The following ECT2 variants were observed in gnomAD, a reference collection of about 807,000 sequenced individuals.
ECT2 encodes epithelial cell transforming 2, also known as protein ECT2.
A neutral mutation model predicts 116.9 loss-of-function variants in ECT2; 61 were observed. That is an observed-to-expected ratio of 0.52 (90% CI 0.42 to 0.65). The LOEUF is 0.65. ECT2 is among the 30% of genes least tolerant of loss of function. The probability of loss-of-function intolerance (pLI) is 0.00; values close to 1 mark genes in which losing one functional copy is unlikely to be tolerated. For missense variants in ECT2, 937 were observed against 1,078.7 expected, an observed-to-expected ratio of 0.87 and a Z score of 1.84; for synonymous variants, 358 against 346.4, an observed-to-expected ratio of 1.03 and a Z score of -0.37.
chr3:172,770,504 T>TA (rs1283457115), intron 13 of ECT2, among the ~76,000 whole-genome samples: 1 of 152,144 alleles, frequency 6.6e-6, no homozygotes, highest in Non-Finnish European at 1.5e-5. Context: ...ATTCTCTCCT[T>TA]AAAAAAATTT....
At chr3:172,779,378 A>G (rs958564661) in intron 14 of ECT2, among the ~76,000 whole-genome samples, 1 of 152,116 alleles carries the variant, frequency 6.6e-6, no homozygotes, top group South Asian at 2.1e-4. Flanking sequence ...CTTTGAGTTT[A>G]CTTTTATGCT....
At chr3:172,758,468 TAC>T (rs138087804) in intron 5 of ECT2, among the ~76,000 whole-genome samples, 45 of 151,004 alleles carry the variant, frequency 3.0e-4, no homozygotes, top group Non-Finnish European at 5.8e-4. Flanking sequence ...TTCTCTTTTA[TAC>T]ACACACACAC....
intron 18 of ECT2, among the ~76,000 whole-genome samples, chr3:172,798,427 A>C (rs1726130555): frequency 6.6e-6 from 1 of 152,186 alleles, no homozygotes; most frequent in African/African-American, 2.4e-5. Flanking sequence ...CCTAAAGTCA[A>C]GTTTCTGATA....
Position 172,815,665 on chromosome 3 carries a change from G to A in ECT2, c.2462G>A (p.Ser821Asn). 1 of 1,605,950 alleles carries A rather than the reference G, an allele frequency of 6.2e-7. No homozygotes were observed. Among genetic ancestry groups the A allele is most frequent in the Non-Finnish European group, 8.5e-7 (1 of 1,176,646 alleles). Reference protein sequence around the residue: ...SFEVNTKDMDSTLSRASRAIK... With the variant: ...SFEVNTKDMDNTLSRASRAIK... ...GAAGTAAATACAAAAGATATGGACAGTACATTGAGTAGAGCATCAAGAGCA... is the reference window on the plus strand; with the variant it reads ...GAAGTAAATACAAAAGATATGGACAATACATTGAGTAGAGCATCAAGAGCA... Residue 821 changes from serine to asparagine, a missense_variant, in exon 23 of 25, where the codon AGT becomes AAT. Coordinates refer to ENST00000392692, the MANE Select transcript of ECT2 (RefSeq NM_001258315.2).
chr3:172,813,813 C>T (rs1169323135), intron 22 of ECT2, among the ~76,000 whole-genome samples: 1 of 151,948 alleles, frequency 6.6e-6, no homozygotes, highest in Non-Finnish European at 1.5e-5. Context: ...TTTGTCAGCT[C>T]TTCATTAAGA....
At chr3:172,819,576 C>T (rs1310206111) in intron 24 of ECT2, among the ~76,000 whole-genome samples, 1 of 151,904 alleles carries the variant, frequency 6.6e-6, no homozygotes, top group East Asian at 1.9e-4. Context: ...GAACTCTTGG[C>T]CTTAAGCAAT....
the ECT2 span, among the ~76,000 whole-genome samples, chr3:172,828,115 T>C: frequency 6.6e-6 from 1 of 152,190 alleles, no homozygotes; most frequent in African/African-American, 2.4e-5. Flanking sequence ...TCCTAAAAGA[T>C]ACTTGTTACA....
chr3:172,780,693 A>G (rs931953784), intron 14 of ECT2, among the ~76,000 whole-genome samples: 3 of 152,152 alleles, frequency 2.0e-5, no homozygotes, highest in Non-Finnish European at 4.4e-5. Flanking sequence ...GAGAGTTCCA[A>G]TTTCTCCACA....
At position 172,761,507 on chromosome 3, in the gene ECT2, A is replaced by T. The variant is rs528275152; in HGVS notation, c.685-103A>T. The T allele has an allele frequency of 7.9e-5, 56 of 707,406 alleles. No homozygotes were observed. In the African/African-American group the frequency reaches 9.9e-4, roughly 12 times the overall value. 43.8% of individuals were successfully genotyped at this position (707,406 alleles called of 1,614,324 possible). On this transcript the variant is annotated intron_variant, in intron 7 of 24. Transcript: ENST00000392692. ...TTTAAATTATTTTGTTACAAAGCAG[A>T]TAGTGATCTAAAACTGCAAAAAATT... is the stretch of plus-strand genomic sequence containing the variant.
chr3:172,808,871 T>G (rs998334072), intron 22 of ECT2, among the ~76,000 whole-genome samples: 3 of 152,150 alleles, frequency 2.0e-5, no homozygotes, highest in African/African-American at 7.2e-5. Flanking sequence ...TCCAAAGTAT[T>G]TAGAACAATA....
At chr3:172,760,789 C>T (rs937758225) in intron 7 of ECT2, among the ~76,000 whole-genome samples, 1 of 139,106 alleles carries the variant, frequency 7.2e-6, no homozygotes, top group Non-Finnish European at 1.5e-5. Context: ...GGTGCCATCT[C>T]GGCTCACTGC....
chr3:172,777,347 A>G (rs1421090626), intron 14 of ECT2, among the ~76,000 whole-genome samples: 2 of 152,186 alleles, frequency 1.3e-5, no homozygotes, highest in African/African-American at 4.8e-5. Context: ...CATTTAGATT[A>G]CTTTCGGTAA....
chr3:172,773,688 A>G (rs1485967513), intron 13 of ECT2, among the ~76,000 whole-genome samples: 1 of 152,202 alleles, frequency 6.6e-6, no homozygotes, highest in East Asian at 1.9e-4. Context: ...ATGACATTTC[A>G]TGACGAGCAT....
At chr3:172,815,310 A>G (rs1729491114) in intron 22 of ECT2, among the ~76,000 whole-genome samples, 1 of 152,178 alleles carries the variant, frequency 6.6e-6, no homozygotes, top group African/African-American at 2.4e-5. Context: ...CTTCAGCATT[A>G]AGTTTAAGTC....
In ECT2 at chr3:172,802,642, C is replaced by T. The variant is rs149955855; in HGVS notation, c.1934C>T (p.Thr645Ile). The change falls in exon 19 of 25, where the codon ACA becomes ATA. Residue 645 changes from threonine to isoleucine, a missense_variant. Coordinates refer to ENST00000392692, the MANE Select transcript of ECT2 (RefSeq NM_001258315.2). ...MTHINEDKRK[T>I]EAQKQIFDVV... ...CATATTAATGAGGATAAGAGAAAAA[C>T]AGAAGCTCAAAAGCAAATTTTTGAT... The T allele has an allele frequency of 1.9e-6, 3 of 1,600,396 alleles. No homozygotes were observed. The African/African-American group carries it at 4.0e-5, about 21-fold the overall frequency.
At chr3:172,768,794 T>C (rs758464615) in intron 12 of ECT2, among the ~76,000 whole-genome samples, 2 of 152,208 alleles carry the variant, frequency 1.3e-5, no homozygotes, top group Non-Finnish European at 2.9e-5. Flanking sequence ...TACAGGCTGT[T>C]TAGTGGAATG....
chr3:172,819,913 T>C (rs1345634815), intron 24 of ECT2, among the ~76,000 whole-genome samples: 4 of 152,136 alleles, frequency 2.6e-5, no homozygotes, highest in African/African-American at 9.7e-5. Flanking sequence ...GTTGAGTTAA[T>C]ATCTAGTTAA....
intron 7 of ECT2, among the ~76,000 whole-genome samples, 173 bp from the exon 8 acceptor site, chr3:172,761,437 T>C (rs1389590259): frequency 6.6e-6 from 1 of 152,204 alleles, no homozygotes; most frequent in African/African-American, 2.4e-5. Context: ...TTTGAAGTTA[T>C]TTTACCCTAA....
At chr3:172,799,174 C>T (rs1334517887) in intron 18 of ECT2, among the ~76,000 whole-genome samples, 1 of 152,058 alleles carries the variant, frequency 6.6e-6, no homozygotes, top group Non-Finnish European at 1.5e-5. Context: ...TAAATTCTTC[C>T]AGATTTCTCC....
Sources: allele counts gnomAD v4.1 joint callset (sites outside exome capture counted in the v4.1 genomes callset), GRCh38; gene constraint gnomAD v4.1.1; transcripts MANE v1.5; gene names NCBI Gene and HGNC (gene_info 2026-07-23, HGNC 2026-07-21).